SMCHD1: variants seen among roughly 807,000 people sequenced by gnomAD.
The protein encoded by SMCHD1 is structural maintenance of chromosomes flexible hinge domain-containing protein 1.
A neutral mutation model predicts 254.7 loss-of-function variants in SMCHD1; 78 were observed. The ratio of observed to expected loss-of-function variants is 0.31; its 90% confidence interval spans 0.26 to 0.37. SMCHD1 has a LOEUF of 0.37. Among genes scored for constraint, SMCHD1 ranks in the 10% least tolerant of loss-of-function variants. The probability of loss-of-function intolerance (pLI) is 1.00; values close to 1 mark genes in which losing one functional copy is unlikely to be tolerated. For synonymous variants in SMCHD1, 766 were observed against 794.9 expected (o/e 0.96, Z 0.61); for missense variants, 1,840 against 2,408.1 (o/e 0.76, Z 4.94).
At chr18:2,658,494 A>G (rs1432348950) in intron 1 of SMCHD1, among the ~76,000 whole-genome samples, 1 of 152,166 alleles carries the variant, frequency 6.6e-6, no homozygotes, top group Non-Finnish European at 1.5e-5. Flanking sequence ...CAACTGGAAA[A>G]CCAAGGAAAA....
intron 47 of SMCHD1, among the ~76,000 whole-genome samples, chr18:2,797,641 G>A (rs62077724): frequency 0.19 from 29,334 of 152,162 alleles, 3,064 homozygotes; most frequent in Admixed American, 0.26. Flanking sequence ...TTTTCTATTT[G>A]TAAGGAATTA....
At chr18:2,788,426 GTA>G (rs1377443444) in intron 45 of SMCHD1, among the ~76,000 whole-genome samples, 1 of 152,078 alleles carries the variant, frequency 6.6e-6, no homozygotes, top group Non-Finnish European at 1.5e-5. Context: ...AACAGTGTGT[GTA>G]TTCGTTAGCA....
intron 3 of SMCHD1, among the ~76,000 whole-genome samples, chr18:2,668,412 G>A (rs1022904423): frequency 3.3e-5 from 5 of 152,196 alleles, no homozygotes; most frequent in Admixed American, 6.5e-5. Context: ...TATAGGTAAA[G>A]ATCCTGTTTT....
intron 47 of SMCHD1, among the ~76,000 whole-genome samples, chr18:2,802,029 A>T (rs550615205): frequency 3.9e-5 from 6 of 152,070 alleles, no homozygotes; most frequent in Non-Finnish European, 8.8e-5. Flanking sequence ...TAGTTCAGGG[A>T]ACTATTAGAA....
chr18:2,675,296 G>A (rs942964438), intron 5 of SMCHD1, among the ~76,000 whole-genome samples: 1 of 129,340 alleles, frequency 7.7e-6, no homozygotes, highest in African/African-American at 3.1e-5. Flanking sequence ...ACAGAGTCTC[G>A]CTCTGTCATC....
chr18:2,786,691 T>C (rs79798069), intron 45 of SMCHD1, among the ~76,000 whole-genome samples: 3,383 of 151,848 alleles, frequency 0.022, 48 homozygotes, highest in African/African-American at 0.036. Context: ...AAACTCCATA[T>C]AAAAAAAAGA....
chr18:2,780,237 CTAA>C (rs1330315333), intron 44 of SMCHD1, among the ~76,000 whole-genome samples: 3,543 of 29,570 alleles, frequency 0.12, 95 homozygotes, highest in Non-Finnish European at 0.14. Flanking sequence ...AAGACTCTAT[CTAA>C]AAAAAAAAAA....
intron 5 of SMCHD1, among the ~76,000 whole-genome samples, chr18:2,675,679 A>G (rs1002205584): frequency 6.6e-6 from 1 of 152,168 alleles, no homozygotes; most frequent in African/African-American, 2.4e-5. Flanking sequence ...TGAGGATAGG[A>G]TTTAGCATAT....
rs560974010 is a variant in SMCHD1, at chr18:2,804,109, G to C, written c.*1557G>C. ...TTATATGAAAATGATTGATTGATAG[G>C]TAAGAAAGGTTAAAGAGAAATGACT... On this transcript the variant is annotated 3_prime_UTR_variant, in exon 48 of 48. Coordinates refer to ENST00000320876, the MANE Select transcript of SMCHD1 (RefSeq NM_015295.3). 6 of 152,212 alleles carry C rather than the reference G, an allele frequency of 3.9e-5. No homozygotes were observed. The highest frequency in any genetic ancestry group is 1.4e-4 in the African/African-American group (6 of 41,532). The allele number at this position is 152,212 out of a possible 1,614,324, so 9.4% of individuals were successfully genotyped here. A position where few individuals can be genotyped will look rare whatever the true frequency, so the allele number is the denominator to read the frequency against.
At chr18:2,707,327 A>C in intron 15 of SMCHD1, 1 of 290,728 alleles carries the variant, frequency 3.4e-6, no homozygotes, top group Non-Finnish European at 6.3e-6. Context: ...AAAATTTGAC[A>C]GTTTCTGGCT....
chr18:2,792,960 C>T (rs1445684494), intron 45 of SMCHD1, among the ~76,000 whole-genome samples: 4 of 152,190 alleles, frequency 2.6e-5, no homozygotes, highest in Non-Finnish European at 4.4e-5. Flanking sequence ...CCTCTATCCT[C>T]CTCTTCCTGG....
intron 1 of SMCHD1, among the ~76,000 whole-genome samples, chr18:2,664,357 TTG>T (rs2073378888): frequency 7.7e-6 from 1 of 129,512 alleles, no homozygotes; most frequent in African/African-American, 3.7e-5. Context: ...CACATTAAAT[TTG>T]TTTTTTTTTT....
In SMCHD1 at chr18:2,706,420, G is replaced by C; in HGVS notation, c.2013G>C (p.Arg671Ser). The change falls in exon 15 of 48, where the codon AGG becomes AGC. Residue 671 changes from arginine (R) to serine (S), a missense_variant. Arg to Ser is a moderately radical substitution (Grantham distance 110). Around this residue, in one of 9 missense-constraint regions of SMCHD1, gnomAD observed 498 missense variants for 743.5 expected, o/e 0.67. Transcript: ENST00000320876. The part of the protein sequence containing the change: ...VRTVPIAKLD[R>S]TVAEKAVKKY... ...CTGTGCCAATTGCAAAGCTGGATAG[G>C]ACAGTTGCTGAGAAAGCTGTTAAAA... The C allele has an allele frequency of 4.4e-6, 7 of 1,593,520 alleles. No homozygotes were observed. The highest frequency in any genetic ancestry group is 4.3e-6 in the Non-Finnish European group (5 of 1,169,424).
chr18:2,705,250 G>C (rs1284104035), intron 13 of SMCHD1, among the ~76,000 whole-genome samples: 2 of 152,108 alleles, frequency 1.3e-5, no homozygotes, highest in Non-Finnish European at 1.5e-5. Flanking sequence ...ATTTCCCTTA[G>C]ATTTTTTAAA....
chr18:2,771,492 G>A (rs764502083), intron 39 of SMCHD1, 41 bp from the exon 40 acceptor site: 3 of 1,373,732 alleles, frequency 2.2e-6, no homozygotes, highest in Middle Eastern at 1.8e-4. Flanking sequence ...TGATTTGGGG[G>A]CTATCAGAAA....
At chr18:2,699,412 T>C (rs2074352303) in intron 10 of SMCHD1, among the ~76,000 whole-genome samples, 1 of 152,214 alleles carries the variant, frequency 6.6e-6, no homozygotes, top group Non-Finnish European at 1.5e-5. Context: ...CAATGTAGGC[T>C]CACTGCAGTC....
chr18:2,731,125 A>G (rs747069257), intron 24 of SMCHD1, among the ~76,000 whole-genome samples: 8 of 152,226 alleles, frequency 5.3e-5, no homozygotes, highest in Non-Finnish European at 1.0e-4. Flanking sequence ...GGCAAGTAAG[A>G]TACAACAGAA....
At chr18:2,722,782 G>C in intron 20 of SMCHD1, 119 bp downstream of exon 20, 1 of 819,572 alleles carries the variant, frequency 1.2e-6, no homozygotes, top group Non-Finnish European at 1.8e-6. Flanking sequence ...AAATATTAGT[G>C]AATTTTATTA....
At chr18:2,800,786 C>T (rs139626372) in intron 47 of SMCHD1, 3 of 152,286 alleles carry the variant, frequency 2.0e-5, no homozygotes, top group African/African-American at 7.2e-5. Flanking sequence ...TTCCAGCTAG[C>T]AATGTAATCC....
Sources: allele counts gnomAD v4.1 joint callset (sites outside exome capture counted in the v4.1 genomes callset), GRCh38; gene constraint gnomAD v4.1.1; regional missense constraint gnomAD v4.1.1; transcripts MANE v1.5; gene names NCBI Gene and HGNC (gene_info 2026-07-23, HGNC 2026-07-21).